MTNR1B: variants seen among roughly 807,000 people sequenced by gnomAD.
MTNR1B encodes the protein melatonin receptor 1B.
Under a neutral mutation model 7.0 loss-of-function variants are expected in MTNR1B, and 7 were observed. That is an observed-to-expected ratio of 1.00 (90% CI 0.57 to 1.88). MTNR1B has a LOEUF of 1.88. Among genes scored for constraint, MTNR1B ranks in the 40% most tolerant of loss-of-function variants. MTNR1B has a pLI of 0.00. For synonymous variants in MTNR1B, 226 were observed against 208.2 expected, an observed-to-expected ratio of 1.09 and a Z score of -0.74; for missense variants, 478 against 486.5, an observed-to-expected ratio of 0.98 and a Z score of 0.16.
chr11:92,970,221 G>GA (rs1256488092), intron 1 of MTNR1B, among the ~76,000 whole-genome samples: 2 of 152,202 alleles, frequency 1.3e-5, no homozygotes, highest in African/African-American at 4.8e-5. Flanking sequence ...GGCGCTGTGG[G>GA]AACCCACGCT....
chr11:92,979,934 T>C (rs79471439), intron 1 of MTNR1B, among the ~76,000 whole-genome samples: 138 of 152,280 alleles, frequency 9.1e-4, no homozygotes, highest in African/African-American at 3.1e-3. Flanking sequence ...AGGTGTGCCA[T>C]CTACTTCACT....
chr11:92,975,487 G>T (rs1857997609), intron 1 of MTNR1B, among the ~76,000 whole-genome samples: 1 of 152,188 alleles, frequency 6.6e-6, no homozygotes, highest in African/African-American at 2.4e-5. Flanking sequence ...CTCTGTCTAT[G>T]CTGGCAAAGC....
chr11:92,978,247 C>A (rs529867713), intron 1 of MTNR1B, among the ~76,000 whole-genome samples: 9 of 152,266 alleles, frequency 5.9e-5, no homozygotes, highest in South Asian at 2.1e-4. Context: ...CCTAGATTAC[C>A]AGATCTCCAT....
intron 1 of MTNR1B, among the ~76,000 whole-genome samples, chr11:92,977,228 CA>C (rs1042857978): frequency 1.3e-5 from 2 of 152,134 alleles, no homozygotes; most frequent in African/African-American, 2.4e-5. Flanking sequence ...GATTTCAACT[CA>C]GCTCTTGTAT....
At chr11:92,970,817 T>C (rs1293176966) in intron 1 of MTNR1B, among the ~76,000 whole-genome samples, 14 of 152,184 alleles carry the variant, frequency 9.2e-5, no homozygotes, top group Admixed American at 9.2e-4. Context: ...AGTTGGGCCT[T>C]GGGAGCAAAT....
intron 1 of MTNR1B, among the ~76,000 whole-genome samples, chr11:92,970,241 C>T (rs1056937310): frequency 6.6e-6 from 1 of 152,206 alleles, no homozygotes; most frequent in Non-Finnish European, 1.5e-5. Flanking sequence ...TGCTGGATGC[C>T]ATCGCTACCC....
At position 92,982,430 on chromosome 11, in the gene MTNR1B, C is replaced by A; in HGVS notation, c.*118C>A. 7.8e-7 allele frequency: 1 copy of A among 1,277,640 alleles called. No homozygotes were observed. The highest frequency in any genetic ancestry group is 1.1e-6 in the Non-Finnish European group (1 of 946,898). The allele number at this position is 1,277,640 out of a possible 1,614,324, so 79.1% of individuals were successfully genotyped here. Reference sequence around the variant, plus strand: ...ACACTGTCCTGTTGGCATCACAGCCCCAAGGCTGGGGGAACTTCATGCTGG... The same window carrying A: ...ACACTGTCCTGTTGGCATCACAGCCACAAGGCTGGGGGAACTTCATGCTGG... On this transcript the variant is annotated 3_prime_UTR_variant, in exon 2 of 2. Coordinates refer to ENST00000257068, the MANE Select transcript of MTNR1B (RefSeq NM_005959.5).
Position 92,981,593 on chromosome 11 carries a change from G to T in MTNR1B, c.370G>T (p.Val124Phe), listed in dbSNP as rs145440211. The change falls in exon 2 of 2, where the codon GTC (valine) becomes TTC (phenylalanine). Residue 124 changes from valine to phenylalanine, a missense_variant. Physicochemically the swap from Val to Phe is conservative, Grantham distance 50. Coordinates refer to ENST00000257068, the MANE Select transcript of MTNR1B (RefSeq NM_005959.5). Reference sequence around the variant, plus strand: ...CAGCGCCTTTGTGATGGGCCTGAGCGTCATCGGCTCTGTCTTCAATATCAC... The same window carrying T: ...CAGCGCCTTTGTGATGGGCCTGAGCTTCATCGGCTCTGTCTTCAATATCAC... ...KASAFVMGLS[V>F]IGSVFNITAI... The T allele has an allele frequency of 6.2e-7, 1 of 1,614,142 alleles. No individual in the cohort carries two copies. Among genetic ancestry groups the T allele is most frequent in the African/African-American group, 1.3e-5 (1 of 75,030 alleles).
intron 1 of MTNR1B, among the ~76,000 whole-genome samples, chr11:92,974,077 C>T (rs1353501931): frequency 1.3e-5 from 2 of 152,226 alleles, no homozygotes; most frequent in African/African-American, 4.8e-5. Context: ...AGTAAAGTTG[C>T]TCAGCAGTTT....
chr11:92,978,565 C>T (rs1858046958), intron 1 of MTNR1B, among the ~76,000 whole-genome samples: 2 of 152,194 alleles, frequency 1.3e-5, no homozygotes, highest in African/African-American at 4.8e-5. Flanking sequence ...TGGATCTCCC[C>T]TTGACTATCA....
intron 1 of MTNR1B, among the ~76,000 whole-genome samples, chr11:92,979,953 T>C (rs938144886): frequency 6.6e-6 from 1 of 152,214 alleles, no homozygotes; most frequent in Non-Finnish European, 1.5e-5. Flanking sequence ...CTTGAAGGGC[T>C]GACTCAGGTG....
intron 1 of MTNR1B, among the ~76,000 whole-genome samples, chr11:92,979,594 T>A (rs1858065282): frequency 6.6e-6 from 1 of 152,206 alleles, no homozygotes; most frequent in African/African-American, 2.4e-5. Flanking sequence ...ACAGGGAAAC[T>A]CACTACCTCA....
chr11:92,982,302 A>G lies in MTNR1B; in HGVS notation c.1079A>G (p.Asp360Gly). 6.2e-7 allele frequency: 1 copy of G among 1,611,644 alleles called. No individual in the cohort carries two copies. Among genetic ancestry groups the G allele is most frequent in the Non-Finnish European group, 8.5e-7 (1 of 1,179,230 alleles). ...PPIIGVQHQA[D>G]AL ...ATCATTGGTGTGCAGCACCAGGCAG[A>G]TGCTCTCTAGCCTGGATCTGAGGCA... Residue 360 changes from aspartate (D) to glycine (G), a missense_variant, in exon 2 of 2, where the codon GAT becomes GGT. Asp to Gly is a moderately conservative substitution (Grantham distance 94). Transcript: ENST00000257068.
At chr11:92,971,148 A>G (rs1324120345) in intron 1 of MTNR1B, among the ~76,000 whole-genome samples, 1 of 152,054 alleles carries the variant, frequency 6.6e-6, no homozygotes, top group East Asian at 1.9e-4. Context: ...TTTGGTAGAC[A>G]CAGTATTTCA....
At position 92,982,562 on chromosome 11, in the gene MTNR1B, CA is replaced by C. The variant is rs1414020287; in HGVS notation, c.*252del. ...TGGTGTCTTGGGGATTTGGTGCACA[CA>C]AGACCAAGGAAAGGACAGAATGAGG... is the stretch of plus-strand genomic sequence containing the variant. On this transcript the variant is annotated 3_prime_UTR_variant, in exon 2 of 2. Transcript: ENST00000257068. 4 of 527,860 alleles carry C rather than the reference CA, an allele frequency of 7.6e-6. No individual in the cohort carries two copies. The highest frequency in any genetic ancestry group is 1.3e-5 in the Non-Finnish European group (4 of 298,174). The allele number at this position is 527,860 out of a possible 1,614,324, so 32.7% of individuals were successfully genotyped here.
chr11:92,975,853 T>G (rs754081539), intron 1 of MTNR1B, among the ~76,000 whole-genome samples: 2 of 152,208 alleles, frequency 1.3e-5, no homozygotes, highest in African/African-American at 4.8e-5. Context: ...CATTGAGATG[T>G]CACTTGGCAT....
At chr11:92,984,777 A>G (rs79468200), downstream of MTNR1B, 695 of 428,444 alleles carry the variant, frequency 1.6e-3, 6 homozygotes, top group African/African-American at 0.013. Flanking sequence ...CTGACAATCC[A>G]CTAATTGGAA....
chr11:92,975,585 A>C (rs1215131147), intron 1 of MTNR1B, among the ~76,000 whole-genome samples: 1 of 152,150 alleles, frequency 6.6e-6, no homozygotes, highest in Non-Finnish European at 1.5e-5. Flanking sequence ...TCCTGATGGG[A>C]ATATTCTGCC....
chr11:92,981,793 C>T lies in MTNR1B; in HGVS notation c.570C>T (p.Cys190=), dbSNP rs778761599. 1 of 1,614,216 alleles carries T rather than the reference C, an allele frequency of 6.2e-7. No individual in the cohort carries two copies. The highest frequency in any genetic ancestry group is 1.7e-5 in the Admixed American group (1 of 60,026). The change falls in exon 2 of 2, where the codon TGC becomes TGT. Residue 190 remains cysteine (C), a synonymous_variant. Transcript: ENST00000257068. ...AGTACGACCCACGCATCTATTCCTG[C>T]ACCTTCATCCAGACCGCCAGCACCC... is the stretch of plus-strand genomic sequence containing the variant. ...SLEYDPRIYS[C]TFIQTASTQY... is the part of the protein sequence containing the mutation.
Sources: allele counts gnomAD v4.1 joint callset (sites outside exome capture counted in the v4.1 genomes callset), GRCh38; gene constraint gnomAD v4.1.1; transcripts MANE v1.5; gene names NCBI Gene and HGNC (gene_info 2026-07-23, HGNC 2026-07-21).